The following CDAN1 variants were observed in gnomAD, a reference collection of about 807,000 sequenced individuals.
CDAN1 encodes the protein codanin-1.
Under a neutral mutation model 139.8 loss-of-function variants are expected in CDAN1, and 107 were observed. The observed-to-expected ratio is 0.77, with a 90% CI of 0.65 to 0.90. CDAN1 has a LOEUF of 0.90. CDAN1 is among the 40% of genes least tolerant of loss of function. CDAN1 has a pLI of 0.00. For synonymous variants in CDAN1, 776 were observed against 660.6 expected (o/e 1.17, Z -2.68); for missense variants, 1,667 against 1,575.7 (o/e 1.06, Z -0.98).
At chr15:42,728,855 G>A (rs1409431427) in intron 19 of CDAN1, 45 bp from the exon 20 acceptor site, 42 of 1,612,548 alleles carry the variant, frequency 2.6e-5, no homozygotes, top group East Asian at 1.1e-4. Context: ...AGGGTTAATC[G>A]GAAAGAGGCT....
chr15:42,735,552 G>A lies in CDAN1; in HGVS notation c.901C>T (p.Arg301Cys). 1 of 1,614,214 alleles carries A rather than the reference G, an allele frequency of 6.2e-7. No individual in the cohort carries two copies. Among genetic ancestry groups the A allele is most frequent in the Non-Finnish European group, 8.5e-7 (1 of 1,180,038 alleles). Reference protein sequence around the residue: ...ADPARVSSRQRLELVALVYSS... With the variant: ...ADPARVSSRQCLELVALVYSS... ...TAAACAAGGGCTACAAGCTCCAGGC[G>A]CTGGCGGGAAGACACTCTGGCAGGG... Residue 301 changes from arginine (R) to cysteine (C), a missense_variant, in exon 4 of 28, where the codon CGC becomes TGC. Physicochemically the swap from Arg to Cys is radical, Grantham distance 180. Transcript: ENST00000356231.
rs1204356533 is a variant in CDAN1, at chr15:42,736,852, G to A, written c.91-72C>T. ...CCGCGGGCCGTGAGCAGCCGGGGCCGTAGGGCGCGCCTCGGGTGGGCGGCC... is the reference window on the plus strand; with the variant it reads ...CCGCGGGCCGTGAGCAGCCGGGGCCATAGGGCGCGCCTCGGGTGGGCGGCC... On this transcript the variant is annotated intron_variant, in intron 1 of 27. Coordinates refer to ENST00000356231, the MANE Select transcript of CDAN1 (RefSeq NM_138477.4). 2.5e-5 allele frequency: 36 copies of A among 1,453,792 alleles called. 1 individual carries two copies. In the South Asian group the frequency reaches 4.7e-4, roughly 19 times the overall value. 90.1% of individuals were successfully genotyped at this position (1,453,792 alleles called of 1,614,324 possible).
intron 6 of CDAN1, 97 bp downstream of exon 6, chr15:42,735,003 C>G: frequency 1.2e-6 from 1 of 817,070 alleles, no homozygotes; most frequent in South Asian, 1.4e-5. Context: ...TCCAGGACCA[C>G]TGCCCCTGTG....
chr15:42,735,210 A>C, intron 5 of CDAN1, 32 bp from the exon 6 acceptor site: 3 of 1,605,380 alleles, frequency 1.9e-6, no homozygotes, highest in Non-Finnish European at 2.6e-6. Context: ...GTCAGTTAAG[A>C]ACGGTCCCGT....
At chr15:42,726,227 C>CTTACAA in intron 24 of CDAN1, 67 bp from the exon 25 acceptor site, 1 of 1,603,116 alleles carries the variant, frequency 6.2e-7, no homozygotes, top group East Asian at 2.2e-5. Flanking sequence ...CGAGAACTGG[C>CTTACAA]CCTGAGCCAG....
rs546620889 is a variant in CDAN1 at position 42,725,022 on chromosome 15, G to A, written c.3558+122C>T. The A allele has an allele frequency of 3.4e-5, 27 of 788,800 alleles. No individual in the cohort carries two copies. The South Asian group carries it at 3.9e-4, about 12-fold the overall frequency. 48.9% of individuals were successfully genotyped at this position (788,800 alleles called of 1,614,324 possible). A position where few individuals can be genotyped will look rare whatever the true frequency, so the allele number is the denominator to read the frequency against. ...CTACTCAAATCGGGACAATTTCAGG[G>A]TGGCCCTGAAGACTCTTGACAAAAA... On this transcript the variant is annotated intron_variant, in intron 27 of 27. Transcript: ENST00000356231.
rs768314079 is a variant in CDAN1, at chr15:42,730,053, C to T, written c.2262+75G>A. 36 of 1,416,914 alleles carry T rather than the reference C, an allele frequency of 2.5e-5. No individual in the cohort carries two copies. The East Asian group carries it at 3.2e-4, about 13-fold the overall frequency. 87.8% of individuals were successfully genotyped at this position (1,416,914 alleles called of 1,614,324 possible). On this transcript the variant is annotated intron_variant, in intron 15 of 27. Transcript: ENST00000356231. ...TTCGTCTTCCAGCCCTTGCCTCATTCGCACTCAGACATTTGCCCACTCCCC... is the reference window on the plus strand; with the variant it reads ...TTCGTCTTCCAGCCCTTGCCTCATTTGCACTCAGACATTTGCCCACTCCCC...
chr15:42,731,817 C>A lies in CDAN1; in HGVS notation c.1542G>T (p.Gln514His), dbSNP rs1275148035. 6.2e-7 allele frequency: 1 copy of A among 1,613,758 alleles called. No homozygotes were observed. Among genetic ancestry groups the A allele is most frequent in the African/African-American group, 1.3e-5 (1 of 74,882 alleles). Residue 514 changes from glutamine (Q) to histidine (H), a missense_variant, in exon 11 of 28, where the codon CAG (glutamine) becomes CAT (histidine). Gln to His is a conservative substitution (Grantham distance 24). This residue lies in a region of CDAN1 where 244 missense variants were observed against 309.4 expected (regional missense o/e 0.79). Coordinates refer to ENST00000356231, the MANE Select transcript of CDAN1 (RefSeq NM_138477.4). ...CGGTGCCCCCAGCACCACCAGGGCT[C>A]TGACACATCTAGGGTGGAAGAGGAA... ...LFQKQLLQMC[Q>H]SPGGAGGTVL...
chr15:42,726,693 C>G, intron 23 of CDAN1: 1 of 536,766 alleles, frequency 1.9e-6, no homozygotes, highest in Non-Finnish European at 3.3e-6. Flanking sequence ...TGGGACCAAA[C>G]TGTAGCTAAC....
At chr15:42,736,142 G>C (rs529704255) in intron 2 of CDAN1, 64 bp from the exon 3 acceptor site, 1 of 1,578,564 alleles carries the variant, frequency 6.3e-7, no homozygotes, top group African/African-American at 1.4e-5. Context: ...CTCCACCACC[G>C]CAACAGCTAG....
At chr15:42,727,171 TAG>T (rs753557496) in intron 23 of CDAN1, 10 of 159,010 alleles carry the variant, frequency 6.3e-5, no homozygotes, top group Non-Finnish European at 1.1e-4. Context: ...ACTCCTGCTC[TAG>T]AGAGTCTTTG....
In CDAN1 at chr15:42,729,117, C is replaced by T. The variant is rs757002279; in HGVS notation, c.2551G>A (p.Ala851Thr). Residue 851 changes from alanine (A) to threonine (T), a missense_variant, in exon 19 of 28, where the codon GCC becomes ACC. By Grantham distance (58) the Ala-to-Thr change is moderately conservative. This residue lies in a region of CDAN1 where 936 missense variants were observed against 844.1 expected (regional missense o/e 1.11). Transcript: ENST00000356231. ...GGCTGGTTGTGGAAAAAGGCCTGGG[C>T]GAGCTGTGCCTGGGGGGAGGAGGGA... is the stretch of plus-strand genomic sequence containing the variant. ...QTSQGLQAQLAQAFFHNQPPS... is the reference protein window; with the variant it reads ...QTSQGLQAQLTQAFFHNQPPS... 1.4e-5 allele frequency: 22 copies of T among 1,614,044 alleles called. No individual in the cohort carries two copies. The highest frequency in any genetic ancestry group is 1.6e-4 in the Middle Eastern group (1 of 6,084).
rs372488868 is a variant in CDAN1, at chr15:42,736,433, G to A, written c.438C>T (p.Pro146=). 9 of 1,596,696 alleles carry A rather than the reference G, an allele frequency of 5.6e-6. No homozygotes were observed. The African/African-American group carries it at 9.4e-5, about 17-fold the overall frequency. ...CCCTAAGCCTCCGGCCCCCGGCTCC[G>A]GGCAGGCTCTCCCCGCTGACCCCCT... The part of the protein sequence containing the change: ...LEEGVSGESL[P]GAGGRRLRGS... Residue 146 remains proline, a synonymous_variant, in exon 2 of 28, where the codon CCC becomes CCT. Coordinates refer to ENST00000356231, the MANE Select transcript of CDAN1 (RefSeq NM_138477.4).
Position 42,724,603 on chromosome 15 carries a change from T to G in CDAN1, c.3572A>C (p.Glu1191Ala). 6.4e-7 allele frequency: 1 copy of G among 1,552,280 alleles called. No homozygotes were observed. Residue 1191 changes from glutamate to alanine, a missense_variant, in exon 28 of 28, where the codon GAA becomes GCA. Coordinates refer to ENST00000356231, the MANE Select transcript of CDAN1 (RefSeq NM_138477.4). Reference sequence around the variant, plus strand: ...AAACAGATTAGACAGTGTTGCTAATTCTTCAGCAAAGTCCTGGAATACATA... The same window carrying G: ...AAACAGATTAGACAGTGTTGCTAATGCTTCAGCAAAGTCCTGGAATACATA... ...QAQWPGDFAE[E>A]LATLSNLFLA...
intron 21 of CDAN1, 45 bp from the exon 22 acceptor site, chr15:42,728,078 T>G (rs1194009302): frequency 1.9e-6 from 3 of 1,603,052 alleles, no homozygotes; most frequent in Non-Finnish European, 2.6e-6. Flanking sequence ...GAGGGCTGGG[T>G]GCAACAAAGG....
At chr15:42,735,236 C>G in intron 5 of CDAN1, 25 bp downstream of exon 5, 1 of 1,603,228 alleles carries the variant, frequency 6.2e-7, no homozygotes, top group Non-Finnish European at 8.5e-7. Context: ...GACCCCATGT[C>G]TCAAAAGGAG....
Position 42,737,114 on chromosome 15 carries a change from C to A in CDAN1, c.-12G>T. Reference sequence around the variant, plus strand: ...AAAACGGCCGCCATCCCGGTCGGGGCGCTCTGGGGCGACTGCGCAGGCGCC... The same window carrying A: ...AAAACGGCCGCCATCCCGGTCGGGGAGCTCTGGGGCGACTGCGCAGGCGCC... On this transcript the variant is annotated 5_prime_UTR_variant, in exon 1 of 28. Transcript: ENST00000356231. The A allele has an allele frequency of 6.8e-7, 1 of 1,463,374 alleles. No homozygotes were observed. Among genetic ancestry groups the A allele is most frequent in the Non-Finnish European group, 9.1e-7 (1 of 1,103,300 alleles). The allele number at this position is 1,463,374 out of a possible 1,614,324, so 90.6% of individuals were successfully genotyped here. A position where few individuals can be genotyped will look rare whatever the true frequency, so the allele number is the denominator to read the frequency against.
At position 42,725,545 on chromosome 15, in the gene CDAN1, G is replaced by A. The variant is rs2061514042; in HGVS notation, c.3394C>T (p.Gln1132Ter). 6.2e-7 allele frequency: 1 copy of A among 1,614,094 alleles called. No homozygotes were observed. The highest frequency in any genetic ancestry group is 8.5e-7 in the Non-Finnish European group (1 of 1,180,036). ...ACATTTCTTGGGCTCAGCAGCAGCT[G>A]CAGCGGAACCGGCCCCTGAAAGTCT... Reference protein sequence around the residue: ...KEDFQGPVPLQLLLSPRNVGL... With the variant: ...KEDFQGPVPL Residue 1132 changes from glutamine to a stop codon, truncating the protein, a stop_gained, in exon 26 of 28, where the codon CAG becomes TAG. Coordinates refer to ENST00000356231, the MANE Select transcript of CDAN1 (RefSeq NM_138477.4). LOFTEE classifies it high-confidence loss of function.
At chr15:42,734,371 CTG>C in intron 6 of CDAN1, 25 bp from the exon 7 acceptor site, 2 of 1,613,832 alleles carry the variant, frequency 1.2e-6, no homozygotes, top group South Asian at 2.2e-5. Flanking sequence ...GCACCTATGA[CTG>C]AGACCAGAAC....
Sources: gnomAD v4.1 joint callset for allele counts on GRCh38, gnomAD v4.1.1 for gene constraint, gnomAD v4.1.1 regional missense constraint, MANE v1.5 for transcripts, NCBI Gene and HGNC (gene_info 2026-07-23, HGNC 2026-07-21) for gene names.